The following OSBPL3 variants were observed in gnomAD, a reference collection of about 807,000 sequenced individuals.
OSBPL3 encodes the protein oxysterol binding protein like 3.
OSBPL3 carries 65 observed loss-of-function variants against 120.1 expected under a neutral mutation model. That is an observed-to-expected ratio of 0.54 (90% CI 0.44 to 0.67). OSBPL3 has a LOEUF of 0.67. Among genes scored for constraint, OSBPL3 ranks in the 30% least tolerant of loss-of-function variants. The probability of loss-of-function intolerance (pLI) is 0.00; values close to 1 mark genes in which losing one functional copy is unlikely to be tolerated. For synonymous variants in OSBPL3, 416 were observed against 402.6 expected (o/e 1.03, Z -0.40); for missense variants, 1,004 against 1,082.1 (o/e 0.93, Z 1.01).
chr7:24,925,848 C>G (rs1230877242), intron 1 of OSBPL3, among the ~76,000 whole-genome samples: 1 of 152,146 alleles, frequency 6.6e-6, no homozygotes, highest in Non-Finnish European at 1.5e-5. Context: ...TTTATTTCAC[C>G]CAGATTTGTG....
chr7:24,825,942 AT>A (rs1348951701), intron 16 of OSBPL3, among the ~76,000 whole-genome samples: 33 of 152,370 alleles, frequency 2.2e-4, no homozygotes, highest in African/African-American at 7.2e-4. Flanking sequence ...AAAATGAACA[AT>A]GATCTGGACA....
chr7:24,951,162 C>T (rs759097318), intron 1 of OSBPL3, among the ~76,000 whole-genome samples: 39 of 151,990 alleles, frequency 2.6e-4, no homozygotes, highest in African/African-American at 5.6e-4. Flanking sequence ...AGAAAAGAAA[C>T]GAAGAAATTT....
chr7:24,861,485 A>T (rs566330607), intron 10 of OSBPL3, 128 bp downstream of exon 10: 4 of 573,340 alleles, frequency 7.0e-6, no homozygotes, highest in Non-Finnish European at 1.2e-5. Context: ...AATAAAGATT[A>T]GGTTTCCCTA....
chr7:24,907,850 C>T (rs543952404), intron 1 of OSBPL3, among the ~76,000 whole-genome samples: 16 of 152,284 alleles, frequency 1.1e-4, no homozygotes, highest in African/African-American at 3.8e-4. Flanking sequence ...ATATCTCACT[C>T]GGGACTGCAT....
intron 10 of OSBPL3, among the ~76,000 whole-genome samples, chr7:24,853,176 G>GT (rs1799384477): frequency 6.6e-6 from 1 of 152,300 alleles, no homozygotes; most frequent in African/African-American, 2.4e-5. Context: ...ACTGGAAAGG[G>GT]TTAAAAACAA....
intron 7 of OSBPL3, among the ~76,000 whole-genome samples, chr7:24,864,600 G>T (rs747926344): frequency 6.6e-6 from 1 of 152,056 alleles, no homozygotes; most frequent in Non-Finnish European, 1.5e-5. Context: ...GCTGCCACCT[G>T]GTATCTTTCT....
chr7:24,809,954 A>C lies in OSBPL3; in HGVS notation c.2173-3T>G. The C allele has an allele frequency of 6.2e-7, 1 of 1,614,140 alleles. No homozygotes were observed. The highest frequency in any genetic ancestry group is 8.5e-7 in the Non-Finnish European group (1 of 1,179,982). ...GCATTAGTGCTCCAGTATTTTGCCT[A>C]GGATTCAAATGAGTTGTTGGCTTAG... On this transcript the variant is annotated splice_region_variant and splice_polypyrimidine_tract_variant and intron_variant, in intron 19 of 22. Coordinates refer to ENST00000313367, the MANE Select transcript of OSBPL3 (RefSeq NM_015550.4).
Position 24,851,711 on chromosome 7 carries a change from T to C in OSBPL3, c.1158+793A>G, listed in dbSNP as rs1233864101. ...TCAGTATGCTATTTCAAAAGTTCTC[T>C]AGCCTCCTGATAGATTCAGGGTAAA... On this transcript the variant is annotated intron_variant, in intron 11 of 22. Transcript: ENST00000313367. This position sits in a 1 kb window ranked among gnomAD's most constrained non-coding sequence, Gnocchi z 4.1. Among the ~76,000 whole-genome samples the C allele has an allele frequency of 6.6e-6, 1 of 150,838 alleles. No individual in the cohort carries two copies. The highest frequency in any genetic ancestry group is 1.5e-5 in the Non-Finnish European group (1 of 67,838).
In OSBPL3 at chr7:24,947,631, A is replaced by G. The variant is rs1813879866; in HGVS notation, c.-150+32255T>C. Among the ~76,000 whole-genome samples the G allele has an allele frequency of 6.6e-6, 1 of 152,250 alleles. No homozygotes were observed. The highest frequency in any genetic ancestry group is 1.5e-5 in the Non-Finnish European group (1 of 68,048). On this transcript the variant is annotated intron_variant, in intron 1 of 22. Coordinates refer to ENST00000313367, the MANE Select transcript of OSBPL3 (RefSeq NM_015550.4). The surrounding 1 kb of genome is among the most constrained non-coding windows in gnomAD (Gnocchi z 4.4). The stretch of plus-strand genomic sequence containing the variant: ...GGTAAGAAGGAAGCCAAATATTGCC[A>G]AAAATATCTAGGAATCACTATTTCT...
intron 1 of OSBPL3, among the ~76,000 whole-genome samples, chr7:24,915,831 T>G (rs1223451743): frequency 6.6e-6 from 1 of 152,132 alleles, no homozygotes; most frequent in Non-Finnish European, 1.5e-5. Flanking sequence ...CACCTCGGCA[T>G]CCCAAAGTGC....
At position 24,972,095 on chromosome 7, in the gene OSBPL3, T is replaced by C. The variant is rs1817089128; in HGVS notation, c.-150+7791A>G. ...TTATTTTAAGCTACATGCAGGGCTA[T>C]GCTGGAGGACAGGTTGCTAGATATC... On this transcript the variant is annotated intron_variant, in intron 1 of 22. Coordinates refer to ENST00000313367, the MANE Select transcript of OSBPL3 (RefSeq NM_015550.4). This position sits in a 1 kb window ranked among gnomAD's most constrained non-coding sequence, Gnocchi z 4.3. 6.6e-6 allele frequency among the ~76,000 whole-genome samples: 1 copy of C among 152,242 alleles called. No homozygotes were observed. The highest frequency in any genetic ancestry group is 1.9e-4 in the East Asian group (1 of 5,206).
chr7:24,853,867 T>C (rs944967333), intron 10 of OSBPL3, among the ~76,000 whole-genome samples: 2 of 152,174 alleles, frequency 1.3e-5, no homozygotes, highest in Non-Finnish European at 2.9e-5. Flanking sequence ...TTCTGTAAGT[T>C]TGTAATTGTT....
intron 1 of OSBPL3, among the ~76,000 whole-genome samples, chr7:24,925,569 T>C (rs1810950898): frequency 6.6e-6 from 1 of 152,254 alleles, no homozygotes; most frequent in Admixed American, 6.5e-5. Context: ...AAGATGGCTT[T>C]CCTTTCAAGT....
rs1309651082 is a variant in OSBPL3, at chr7:24,834,723, A to AT, written c.1508dup (p.Asp503GlufsTer2). ...TCCGGGACTTCGCTTCCCGACCACT[A>AT]TCAAGGACAGGCCCTGAAAGGGAAA... On this transcript the variant is annotated frameshift_variant, in exon 15 of 23. Coordinates refer to ENST00000313367, the MANE Select transcript of OSBPL3 (RefSeq NM_015550.4). LOFTEE classifies it high-confidence loss of function. This position sits in a 1 kb window ranked among gnomAD's most constrained non-coding sequence, Gnocchi z 5.2. The AT allele has an allele frequency of 6.2e-7, 1 of 1,610,370 alleles. No homozygotes were observed. Among genetic ancestry groups the AT allele is most frequent in the South Asian group, 1.1e-5 (1 of 90,588 alleles).
rs1288934283 is a variant in OSBPL3 at position 24,972,134 on chromosome 7, T to A, written c.-150+7752A>T. On this transcript the variant is annotated intron_variant, in intron 1 of 22. Coordinates refer to ENST00000313367, the MANE Select transcript of OSBPL3 (RefSeq NM_015550.4). The surrounding 1 kb of genome is among the most constrained non-coding windows in gnomAD (Gnocchi z 4.3). The stretch of plus-strand genomic sequence containing the variant: ...TTGCTAGATATCATTGCGTTTCTGC[T>A]ATAAAGGTGTTAAAAACTCAACTTT... Among the ~76,000 whole-genome samples the A allele has an allele frequency of 6.6e-6, 1 of 152,216 alleles. No homozygotes were observed. Among genetic ancestry groups the A allele is most frequent in the African/African-American group, 2.4e-5 (1 of 41,458 alleles).
chr7:24,840,492 A>T (rs1329858688), intron 14 of OSBPL3, among the ~76,000 whole-genome samples, 198 bp downstream of exon 14: 1 of 152,158 alleles, frequency 6.6e-6, no homozygotes, highest in African/African-American at 2.4e-5. Context: ...ACAGCCTCAA[A>T]TACACATAAC....
chr7:24,952,738 T>A lies in OSBPL3; in HGVS notation c.-150+27148A>T, dbSNP rs112904472. Reference sequence around the variant, plus strand: ...CAGGATTCTAGGCCTGCCCTACCAATATGCAAACCATCAGCTGAATCTATA... The same window carrying A: ...CAGGATTCTAGGCCTGCCCTACCAAAATGCAAACCATCAGCTGAATCTATA... On this transcript the variant is annotated intron_variant, in intron 1 of 22. Coordinates refer to ENST00000313367, the MANE Select transcript of OSBPL3 (RefSeq NM_015550.4). This position sits in a 1 kb window ranked among gnomAD's most constrained non-coding sequence, Gnocchi z 4.4. Among the ~76,000 whole-genome samples the A allele has an allele frequency of 1.3e-5, 2 of 152,326 alleles. No individual in the cohort carries two copies. The highest frequency in any genetic ancestry group is 4.8e-5 in the African/African-American group (2 of 41,570).
chr7:24,851,134 T>G lies in OSBPL3; in HGVS notation c.1158+1370A>C, dbSNP rs1799102737. ...AGGGACCTTGGAAGCCCATCAGAGA[T>G]ACCTTTTGTAAATGCACTAAAAGCT... On this transcript the variant is annotated intron_variant, in intron 11 of 22. Transcript: ENST00000313367. This position sits in a 1 kb window ranked among gnomAD's most constrained non-coding sequence, Gnocchi z 4.1. Among the ~76,000 whole-genome samples the G allele has an allele frequency of 6.6e-6, 1 of 152,154 alleles. No homozygotes were observed. The highest frequency in any genetic ancestry group is 2.4e-5 in the African/African-American group (1 of 41,428).
intron 1 of OSBPL3, among the ~76,000 whole-genome samples, chr7:24,963,495 C>T (rs1307857329): frequency 1.3e-5 from 2 of 152,202 alleles, no homozygotes; most frequent in Non-Finnish European, 2.9e-5. Flanking sequence ...CCCACTTTCC[C>T]TTTTTTGCTG....
Sources: gnomAD v4.1 joint callset for allele counts (sites outside exome capture counted in the v4.1 genomes callset) on GRCh38, gnomAD v4.1.1 for gene constraint, Gnocchi (gnomAD v3.1) non-coding constraint, MANE v1.5 for transcripts, NCBI Gene and HGNC (gene_info 2026-07-23, HGNC 2026-07-21) for gene names.